The following CPSF7 variants were observed in gnomAD, a reference collection of about 807,000 sequenced individuals.
CPSF7 encodes cleavage and polyadenylation specific factor 7, also known as cleavage and polyadenylation specificity factor subunit 7.
CPSF7 carries 1 observed loss-of-function variant against 44.3 expected under a neutral mutation model. That is an observed-to-expected ratio of 0.02 (90% confidence interval 0.01 to 0.11). The LOEUF (loss-of-function observed/expected upper bound fraction) is 0.11, where lower values mean the gene tolerates loss of function less well. Among genes scored for constraint, CPSF7 ranks in the 10% least tolerant of loss-of-function variants. CPSF7 has a pLI of 1.00. For synonymous variants in CPSF7, 202 were observed against 222.0 expected (o/e 0.91, Z 0.80); for missense variants, 443 against 607.2 (o/e 0.73, Z 2.84).
intron 9 of CPSF7, among the ~76,000 whole-genome samples, chr11:61,409,355 C>G (rs913155102): frequency 6.6e-5 from 10 of 151,374 alleles, no homozygotes; most frequent in African/African-American, 2.4e-4. Context: ...GCTTGTAATC[C>G]CAGCTACTCG....
At chr11:61,423,132 G>GAAAT (rs1320881290) in intron 2 of CPSF7, among the ~76,000 whole-genome samples, 4 of 101,806 alleles carry the variant, frequency 3.9e-5, no homozygotes, top group Admixed American at 3.2e-4. Flanking sequence ...AAAAAAAAAG[G>GAAAT]GTTCAGGATT....
At chr11:61,420,749 A>C in intron 3 of CPSF7, 176 bp from the exon 4 acceptor site, 1 of 607,388 alleles carries the variant, frequency 1.6e-6, no homozygotes, top group Non-Finnish European at 2.9e-6. Flanking sequence ...AGAATTCCAA[A>C]CCCACTCACC....
intron 2 of CPSF7, chr11:61,428,818 G>A (rs958118799): frequency 6.3e-6 from 1 of 157,916 alleles, no homozygotes; most frequent in African/African-American, 2.4e-5. Flanking sequence ...GAATGTAAAG[G>A]AACCGGTATC....
rs1312373994 is a variant in CPSF7 at position 61,418,673 on chromosome 11, T to C, written c.523+1276A>G. On this transcript the variant is annotated intron_variant, in intron 5 of 9. Coordinates refer to ENST00000439958, the MANE Select transcript of CPSF7 (RefSeq NM_001142565.3). The stretch of plus-strand genomic sequence containing the variant: ...CAGAATAAAGAGAGTAAGATGGACA[T>C]TGGGGAAACTGTCCTCAAACTAAGG... Among the ~76,000 whole-genome samples the C allele has an allele frequency of 3.9e-5, 6 of 152,088 alleles. No homozygotes were observed. The South Asian group carries it at 1.0e-3, about 26-fold the overall frequency.
At chr11:61,424,581 C>T (rs1031581159) in intron 2 of CPSF7, among the ~76,000 whole-genome samples, 5 of 152,100 alleles carry the variant, frequency 3.3e-5, no homozygotes, top group Admixed American at 2.0e-4. Context: ...GCCTCCCGAG[C>T]AGCTGGAATT....
At position 61,429,922 on chromosome 11, in the gene CPSF7, TGGC is replaced by T. The variant is rs916956107; in HGVS notation, c.-67_-65del. 5.9e-5 allele frequency: 86 copies of T among 1,467,748 alleles called. No individual in the cohort carries two copies. Among genetic ancestry groups the T allele is most frequent in the East Asian group, 7.7e-5 (3 of 38,722 alleles). The allele number at this position is 1,467,748 out of a possible 1,614,324, so 90.9% of individuals were successfully genotyped here. A position where few individuals can be genotyped will look rare whatever the true frequency, so the allele number is the denominator to read the frequency against. On this transcript the variant is annotated 5_prime_UTR_variant, in exon 1 of 10. Coordinates refer to ENST00000439958, the MANE Select transcript of CPSF7 (RefSeq NM_001142565.3). Reference sequence around the variant, plus strand: ...CCGCGCGCCCCCGTTACCGGGAATATGGCGGCGGCGGCGGCGAGTCCGGACTAG... The same window carrying T: ...CCGCGCGCCCCCGTTACCGGGAATATGGCGGCGGCGGCGAGTCCGGACTAG...
chr11:61,426,586 CCAGAGAA>C (rs1861365572), intron 2 of CPSF7: 4 of 152,262 alleles, frequency 2.6e-5, no homozygotes, highest in East Asian at 3.9e-4. Context: ...ACTGAGGAGA[CCAGAGAA>C]CAAACTATTG....
In CPSF7 at chr11:61,403,983, C is replaced by G. The variant is rs2135214633; in HGVS notation, c.*727G>C. 6.5e-6 allele frequency: 1 copy of G among 152,810 alleles called. No individual in the cohort carries two copies. The highest frequency in any genetic ancestry group is 3.4e-3 in the Middle Eastern group (1 of 296). 9.5% of individuals were successfully genotyped at this position (152,810 alleles called of 1,614,324 possible). On this transcript the variant is annotated 3_prime_UTR_variant, in exon 10 of 10. Coordinates refer to ENST00000439958, the MANE Select transcript of CPSF7 (RefSeq NM_001142565.3). ...TGGTAATTGGCTCTGCCAGGCTTCC[C>G]AGCAGCAAGCAACCTCATAGGCCTT...
In CPSF7 at chr11:61,416,161, C is replaced by A. The variant is rs1416810265; in HGVS notation, c.882G>T (p.Val294=). The change falls in exon 6 of 10, where the codon GTG becomes GTT. Residue 294 remains valine (V), a synonymous_variant. Coordinates refer to ENST00000439958, the MANE Select transcript of CPSF7 (RefSeq NM_001142565.3). Reference sequence around the variant, plus strand: ...TCATGTAAGTATCTGGTGGAGGCCCCACTGTAGCGTTTGGTGGGGGGAAGA... The same window carrying A: ...TCATGTAAGTATCTGGTGGAGGCCCAACTGTAGCGTTTGGTGGGGGGAAGA... The part of the protein sequence containing the change: ...PAFFPPPNAT[V]GPPPDTYMKA... 1.2e-5 allele frequency: 18 copies of A among 1,516,022 alleles called. No homozygotes were observed. Among genetic ancestry groups the A allele is most frequent in the Non-Finnish European group, 1.5e-5 (17 of 1,134,608 alleles). The allele number at this position is 1,516,022 out of a possible 1,614,324, so 93.9% of individuals were successfully genotyped here.
chr11:61,411,983 A>T (rs991973140), intron 7 of CPSF7, 46 bp from the exon 8 acceptor site: 5 of 1,558,002 alleles, frequency 3.2e-6, no homozygotes, highest in Non-Finnish European at 4.4e-6. Flanking sequence ...GAGAGATGGT[A>T]AACTAACTGG....
intron 3 of CPSF7, chr11:61,420,988 G>A (rs932384056): frequency 8.4e-6 from 8 of 947,800 alleles, no homozygotes; most frequent in Non-Finnish European, 1.2e-5. Context: ...ATAACTTGCA[G>A]AACAACAGTC....
chr11:61,421,267 G>T (rs770270498), intron 3 of CPSF7, 123 bp downstream of exon 3: 2 of 1,058,200 alleles, frequency 1.9e-6, no homozygotes, highest in South Asian at 2.7e-5. Context: ...CCTGATCCCA[G>T]GAAAAAGAAA....
chr11:61,406,474 T>TA (rs1565097227), intron 9 of CPSF7, among the ~76,000 whole-genome samples: 1 of 152,214 alleles, frequency 6.6e-6, no homozygotes, highest in African/African-American at 2.4e-5. Context: ...TAAGAGTCCT[T>TA]AGGGTGAGAA....
At position 61,416,515 on chromosome 11, in the gene CPSF7, T is replaced by C. The variant is rs1036434840; in HGVS notation, c.528A>G (p.Ile176Met). ...AATCTCGGGAATGGGCCCGTGGAGG[T>C]ATTCCTATGAAGCAAAACAGAACTG... The part of the protein sequence containing the change: ...SQFEAQARKR[I>M]PPRAHSRDSS... Residue 176 changes from isoleucine (I) to methionine (M), a missense_variant, in exon 6 of 10, where the codon ATA (isoleucine) becomes ATG (methionine). Transcript: ENST00000439958. 6.2e-7 allele frequency: 1 copy of C among 1,613,684 alleles called. No homozygotes were observed. The highest frequency in any genetic ancestry group is 1.1e-5 in the South Asian group (1 of 91,042).
In CPSF7 at chr11:61,420,210, A is replaced by C. The variant is rs556356760; in HGVS notation, c.378-116T>G. Reference sequence around the variant, plus strand: ...AAAGCAAAGGACATCTTGCTAAACTAAACACACATACAGCACTAACAACAA... The same window carrying C: ...AAAGCAAAGGACATCTTGCTAAACTCAACACACATACAGCACTAACAACAA... On this transcript the variant is annotated intron_variant, in intron 4 of 9. Transcript: ENST00000439958. 31 of 821,424 alleles carry C rather than the reference A, an allele frequency of 3.8e-5. No individual in the cohort carries two copies. The African/African-American group carries it at 5.0e-4, about 13-fold the overall frequency. 50.9% of individuals were successfully genotyped at this position (821,424 alleles called of 1,614,324 possible). A position where few individuals can be genotyped will look rare whatever the true frequency, so the allele number is the denominator to read the frequency against.
intron 6 of CPSF7, 92 bp downstream of exon 6, chr11:61,416,013 C>A: frequency 8.3e-7 from 1 of 1,201,454 alleles, no homozygotes; most frequent in South Asian, 1.6e-5. Context: ...AGGGAAAGAA[C>A]AAGGATTCAG....
chr11:61,408,342 C>T (rs1260577743), intron 9 of CPSF7, among the ~76,000 whole-genome samples: 5 of 152,126 alleles, frequency 3.3e-5, no homozygotes, highest in Non-Finnish European at 7.4e-5. Context: ...CTCCTGACCT[C>T]GTGATCCACC....
intron 9 of CPSF7, among the ~76,000 whole-genome samples, chr11:61,409,856 C>G (rs1859692364): frequency 6.6e-6 from 1 of 151,912 alleles, no homozygotes; most frequent in Non-Finnish European, 1.5e-5. Context: ...GCCTGTAGCC[C>G]CAGCTGCTGG....
At chr11:61,422,742 G>A (rs1465050188) in intron 2 of CPSF7, among the ~76,000 whole-genome samples, 1 of 152,168 alleles carries the variant, frequency 6.6e-6, no homozygotes, top group African/African-American at 2.4e-5. Context: ...TGGAAAATGT[G>A]CAAAATACAT....
Sources: allele counts gnomAD v4.1 joint callset (sites outside exome capture counted in the v4.1 genomes callset), GRCh38; gene constraint gnomAD v4.1.1; transcripts MANE v1.5; gene names NCBI Gene and HGNC (gene_info 2026-07-23, HGNC 2026-07-21).